Variants in ARMH4 observed in about 807,000 individuals in gnomAD.
The protein encoded by ARMH4 is armadillo like helical domain containing 4.
In ARMH4, 49 loss-of-function variants were observed where a neutral mutation model predicts 61.9. The observed-to-expected ratio is 0.79, with a 90% CI of 0.63 to 1.00. ARMH4 has a LOEUF of 1.00. Ranked by LOEUF, ARMH4 falls within the 50% of genes least tolerant of loss-of-function variation. The pLI is 0.00. For missense variants in ARMH4, 934 were observed against 930.0 expected, an observed-to-expected ratio of 1.00 and a Z score of -0.06; for synonymous variants, 368 against 341.5, an observed-to-expected ratio of 1.08 and a Z score of -0.85.
Position 58,151,082 on chromosome 14 carries a change from C to G in ARMH4, c.-57+993G>C, listed in dbSNP as rs1887904126. On this transcript the variant is annotated intron_variant, in intron 1 of 7. Coordinates refer to ENST00000267485, the MANE Select transcript of ARMH4 (RefSeq NM_001001872.4). The stretch of plus-strand genomic sequence containing the variant: ...AGGGATGGTTTTGTGAACCACTCCC[C>G]ACTCCCCCTCAAGTTTCAAACTAAA... 2.0e-5 allele frequency among the ~76,000 whole-genome samples: 3 copies of G among 152,282 alleles called. No individual in the cohort carries two copies. The South Asian group carries it at 6.2e-4, about 32-fold the overall frequency.
chr14:58,015,734 T>C (rs1882585859), intron 5 of ARMH4, among the ~76,000 whole-genome samples: 1 of 143,688 alleles, frequency 7.0e-6, no homozygotes, highest in Admixed American at 7.1e-5. Context: ...GAAAGAAAAT[T>C]ATAAAGAAAT....
At chr14:58,132,997 G>A (rs1452647122) in intron 3 of ARMH4, 93 bp downstream of exon 3, 2 of 1,399,680 alleles carry the variant, frequency 1.4e-6, no homozygotes, top group Non-Finnish European at 2.0e-6. Context: ...GCGCGCTGAT[G>A]GCAATGTCGG....
chr14:58,014,642 C>G (rs1446741769), intron 5 of ARMH4, among the ~76,000 whole-genome samples: 1 of 152,114 alleles, frequency 6.6e-6, no homozygotes, highest in Non-Finnish European at 1.5e-5. Flanking sequence ...GATAATGTTT[C>G]CAATTTGTTC....
In ARMH4 at chr14:58,024,495, G is replaced by T. The variant is rs1451964046; in HGVS notation, c.2090-12345C>A. ...GTGGCTGATTTGATCTTCTACACAG[G>T]CCACTATAATTCTCTCCACATCAGC... On this transcript the variant is annotated intron_variant, in intron 5 of 7. Transcript: ENST00000267485. Among the ~76,000 whole-genome samples, 3 of 152,068 alleles carry T rather than the reference G, an allele frequency of 2.0e-5. No individual in the cohort carries two copies. The East Asian group carries it at 5.8e-4, about 29-fold the overall frequency.
At chr14:58,088,314 T>TA (rs912415355) in intron 5 of ARMH4, among the ~76,000 whole-genome samples, 9 of 151,880 alleles carry the variant, frequency 5.9e-5, no homozygotes, top group South Asian at 2.1e-4. Context: ...GATCTATGAA[T>TA]AAAAAAAATT....
chr14:58,099,515 T>C (rs971576487), intron 4 of ARMH4, among the ~76,000 whole-genome samples: 33 of 152,098 alleles, frequency 2.2e-4, no homozygotes, highest in Admixed American at 2.2e-3. Context: ...ACAAAAGTTG[T>C]TTTGGAGGAA....
intron 5 of ARMH4, among the ~76,000 whole-genome samples, chr14:58,065,438 A>G (rs899384821): frequency 2.0e-5 from 3 of 152,228 alleles, no homozygotes; most frequent in Non-Finnish European, 4.4e-5. Flanking sequence ...ACAAATCAAC[A>G]CAAATGGTGA....
At chr14:58,115,695 G>A (rs371384170) in intron 4 of ARMH4, among the ~76,000 whole-genome samples, 12 of 152,028 alleles carry the variant, frequency 7.9e-5, no homozygotes, top group East Asian at 3.9e-4. Flanking sequence ...GTAGACTAAC[G>A]AAAATGTGAT....
chr14:58,118,946 C>G (rs1886626904), intron 4 of ARMH4, among the ~76,000 whole-genome samples: 1 of 152,158 alleles, frequency 6.6e-6, no homozygotes, highest in South Asian at 2.1e-4. Context: ...GCACCAGGCT[C>G]CTGCCCACCT....
intron 5 of ARMH4, among the ~76,000 whole-genome samples, chr14:58,072,012 T>C (rs1473839308): frequency 5.9e-5 from 9 of 152,236 alleles, no homozygotes; most frequent in Admixed American, 4.6e-4. Context: ...TCAGTTTCCC[T>C]TGTTGTCTCC....
chr14:58,088,518 C>T (rs58117875), intron 5 of ARMH4, among the ~76,000 whole-genome samples: 7,318 of 151,974 alleles, frequency 0.048, 209 homozygotes, highest in Middle Eastern at 0.11. Flanking sequence ...AAAATAATTC[C>T]ATTCTTTCCA....
chr14:58,052,707 G>A (rs1360768586), intron 5 of ARMH4, among the ~76,000 whole-genome samples: 1 of 151,934 alleles, frequency 6.6e-6, no homozygotes, highest in Non-Finnish European at 1.5e-5. Context: ...CTCTGACCTC[G>A]CACCCTAGAC....
chr14:58,080,922 T>G (rs970148639), intron 5 of ARMH4, among the ~76,000 whole-genome samples: 1 of 151,748 alleles, frequency 6.6e-6, no homozygotes, highest in Admixed American at 6.6e-5. Context: ...GGCAATATGG[T>G]GAAACCCCAT....
rs1882018286 is a variant in ARMH4 at position 58,002,558 on chromosome 14, C to T, written c.*2178G>A. The T allele has an allele frequency of 6.6e-6, 1 of 152,194 alleles. No homozygotes were observed. The allele number at this position is 152,194 out of a possible 1,614,324, so 9.4% of individuals were successfully genotyped here. On this transcript the variant is annotated 3_prime_UTR_variant, in exon 8 of 8. Transcript: ENST00000267485. Reference sequence around the variant, plus strand: ...AGTTAAGACTATAGATTGAGTAGCCCAAGGCAATAATGGCCACTAGTATCA... The same window carrying T: ...AGTTAAGACTATAGATTGAGTAGCCTAAGGCAATAATGGCCACTAGTATCA...
rs139105403 is a variant in ARMH4 at position 58,093,154 on chromosome 14, T to C, written c.2089+3570A>G. 9.3e-3 allele frequency among the ~76,000 whole-genome samples: 1,421 copies of C among 152,292 alleles called. 17 individuals carry two copies. Among genetic ancestry groups the C allele is most frequent in the African/African-American group, 0.032 (1,327 of 41,560 alleles). The stretch of plus-strand genomic sequence containing the variant: ...GGAAAGACATGTTTGCTTCCCCTTC[T>C]GCCATGATTGTAAATTTCCTGAGGC... On this transcript the variant is annotated intron_variant, in intron 5 of 7. Transcript: ENST00000267485.
At chr14:58,104,193 T>C (rs1357198625) in intron 4 of ARMH4, among the ~76,000 whole-genome samples, 1 of 152,176 alleles carries the variant, frequency 6.6e-6, no homozygotes, top group Non-Finnish European at 1.5e-5. Context: ...GATGCCTTCT[T>C]CTGAGTCAGA....
At chr14:58,114,162 T>C (rs2141291892) in intron 4 of ARMH4, among the ~76,000 whole-genome samples, 1 of 152,280 alleles carries the variant, frequency 6.6e-6, no homozygotes, top group Admixed American at 6.5e-5. Context: ...GGGACTCTAT[T>C]GGACATGATT....
chr14:58,009,305 T>C (rs568227179), intron 6 of ARMH4, among the ~76,000 whole-genome samples: 1 of 152,258 alleles, frequency 6.6e-6, no homozygotes, highest in Admixed American at 6.5e-5. Context: ...TATCCTCCCT[T>C]TTAAAAAGAA....
At position 58,131,617 on chromosome 14, in the gene ARMH4, C is replaced by T. The variant is rs1234808026; in HGVS notation, c.1726G>A (p.Ala576Thr). ...IMVGEPSISP[A>T]LPALEASSER... is the part of the protein sequence containing the mutation. ...GAGGATGCCTCCAAAGCAGGAAGTG[C>T]AGGGGAAATGCTGGGTTCCCCCACC... The change falls in exon 4 of 8, where the codon GCA becomes ACA. Residue 576 changes from alanine (A) to threonine (T), a missense_variant. By Grantham distance (58) the Ala-to-Thr change is moderately conservative. Transcript: ENST00000267485. 3 of 1,614,130 alleles carry T rather than the reference C, an allele frequency of 1.9e-6. No individual in the cohort carries two copies. The highest frequency in any genetic ancestry group is 1.3e-5 in the African/African-American group (1 of 75,024).
Sources: allele counts gnomAD v4.1 joint callset (sites outside exome capture counted in the v4.1 genomes callset), GRCh38; gene constraint gnomAD v4.1.1; transcripts MANE v1.5; gene names NCBI Gene and HGNC (gene_info 2026-07-23, HGNC 2026-07-21).